The following TSHR variants were observed in gnomAD, a reference collection of about 807,000 sequenced individuals.
TSHR encodes the protein thyroid stimulating hormone receptor.
Under a neutral mutation model 64.1 loss-of-function variants are expected in TSHR, and 51 were observed. The ratio of observed to expected loss-of-function variants is 0.80; its 90% CI spans 0.64 to 1.01. The LOEUF (loss-of-function observed/expected upper bound fraction) is 1.01, where lower values mean the gene tolerates loss of function less well. TSHR is among the 50% of genes least tolerant of loss of function. TSHR has a pLI of 0.00. For synonymous variants in TSHR, 361 were observed against 361.9 expected (o/e 1.00, Z 0.03); for missense variants, 877 against 942.8 (o/e 0.93, Z 0.91).
At chr14:81,049,911 A>C (rs1885347411) in intron 1 of TSHR, 3 of 152,182 alleles carry the variant, frequency 2.0e-5, no homozygotes, top group Admixed American at 2.0e-4. Flanking sequence ...GTGTTTCCTG[A>C]GGCCTCCCAA....
chr14:81,122,847 G>A (rs1595150790), intron 8 of TSHR, among the ~76,000 whole-genome samples: 1 of 152,154 alleles, frequency 6.6e-6, no homozygotes, highest in African/African-American at 2.4e-5. Flanking sequence ...AAATTAGGCT[G>A]GGCGTGGTGG....
At chr14:81,002,325 A>G (rs2139761026) in intron 1 of TSHR, among the ~76,000 whole-genome samples, 1 of 152,200 alleles carries the variant, frequency 6.6e-6, no homozygotes, top group South Asian at 2.1e-4. Context: ...GACTCTGGTA[A>G]CCCAAGCTGA....
intron 1 of TSHR, among the ~76,000 whole-genome samples, chr14:81,022,524 A>C (rs1261812572): frequency 9.9e-5 from 15 of 151,950 alleles, no homozygotes; most frequent in Admixed American, 9.8e-4. Flanking sequence ...GGTGGTATTA[A>C]GATGTGGGGT....
chr14:80,970,079 C>A (rs1039125470), intron 1 of TSHR, among the ~76,000 whole-genome samples: 2 of 152,188 alleles, frequency 1.3e-5, no homozygotes, highest in African/African-American at 2.4e-5. Context: ...TGTAATGCAG[C>A]AGTAGTTCAT....
At position 81,108,998 on chromosome 14, in the gene TSHR, A is replaced by G. The variant is rs373485535; in HGVS notation, c.692+546A>G. On this transcript the variant is annotated intron_variant, in intron 8 of 9. Coordinates refer to ENST00000298171, the MANE Select transcript of TSHR (RefSeq NM_000369.5). ...TTTACACCCCCACATCCAATCAGTGATCAGGTTCTATTGATTCTGCTTCCC... is the reference window on the plus strand; with the variant it reads ...TTTACACCCCCACATCCAATCAGTGGTCAGGTTCTATTGATTCTGCTTCCC... 6 of 1,260,848 alleles carry G rather than the reference A, an allele frequency of 4.8e-6. No individual in the cohort carries two copies. In the South Asian group the frequency reaches 6.7e-5, roughly 14 times the overall value. 78.1% of individuals were successfully genotyped at this position (1,260,848 alleles called of 1,614,324 possible). A position where few individuals can be genotyped will look rare whatever the true frequency, so the allele number is the denominator to read the frequency against.
intron 1 of TSHR, among the ~76,000 whole-genome samples, chr14:81,028,164 T>C (rs900418459): frequency 6.6e-6 from 1 of 152,176 alleles, no homozygotes; most frequent in African/African-American, 2.4e-5. Context: ...ATCATAAGCC[T>C]TTCATATTAT....
chr14:80,982,314 C>A, intron 1 of TSHR: 1 of 1,084,744 alleles, frequency 9.2e-7, no homozygotes, highest in Non-Finnish European at 1.3e-6. Flanking sequence ...GTATTGATGC[C>A]TGGGTCTGGG....
chr14:81,061,463 G>A lies in TSHR; in HGVS notation c.171-685G>A, dbSNP rs115995503. 4.2e-3 allele frequency among the ~76,000 whole-genome samples: 639 copies of A among 152,130 alleles called. 2 individuals are homozygous for A. The highest frequency in any genetic ancestry group is 0.012 in the African/African-American group (498 of 41,516). ...ATATACCATGGAATATTATGCAGTC[G>A]TAAAAAAGAACAAGATTATGTCCTT... is the stretch of plus-strand genomic sequence containing the variant. On this transcript the variant is annotated intron_variant, in intron 1 of 9. Coordinates refer to ENST00000298171, the MANE Select transcript of TSHR (RefSeq NM_000369.5).
intron 7 of TSHR, among the ~76,000 whole-genome samples, 185 bp downstream of exon 7, chr14:81,096,892 T>C (rs958655928): frequency 7.3e-5 from 11 of 150,854 alleles, no homozygotes; most frequent in Non-Finnish European, 8.8e-5. Context: ...TTACGTTAGC[T>C]CCAATGGTAA....
rs1374886905 is a variant in TSHR, at chr14:81,143,097, C to T, written c.1039C>T (p.His347Tyr). ...YKEKSKFQDTHNNAHYYVFFE... is the reference protein window; with the variant it reads ...YKEKSKFQDTYNNAHYYVFFE... Reference sequence around the variant, plus strand: ...GGAAAAGTCCAAGTTCCAGGATACTCATAACAACGCTCATTATTACGTCTT... The same window carrying T: ...GGAAAAGTCCAAGTTCCAGGATACTTATAACAACGCTCATTATTACGTCTT... The change falls in exon 10 of 10, where the codon CAT becomes TAT. Residue 347 changes from histidine to tyrosine, a missense_variant. Transcript: ENST00000298171. 4 of 1,614,048 alleles carry T rather than the reference C, an allele frequency of 2.5e-6. No individual in the cohort carries two copies. The highest frequency in any genetic ancestry group is 1.1e-5 in the South Asian group (1 of 91,084).
chr14:81,026,802 G>A (rs1048816989), intron 1 of TSHR, among the ~76,000 whole-genome samples: 1 of 152,160 alleles, frequency 6.6e-6, no homozygotes, highest in African/African-American at 2.4e-5. Context: ...TTGGAAGGTA[G>A]AGGCAGGCAG....
chr14:81,002,794 T>C (rs1205816680), intron 1 of TSHR, among the ~76,000 whole-genome samples: 3 of 55,924 alleles, frequency 5.4e-5, no homozygotes, highest in South Asian at 1.1e-3. Flanking sequence ...TTTTTTTTTT[T>C]TTTTTTTTTT....
chr14:80,985,283 T>G (rs962188015), intron 1 of TSHR, among the ~76,000 whole-genome samples: 2 of 152,162 alleles, frequency 1.3e-5, no homozygotes, highest in Non-Finnish European at 2.9e-5. Flanking sequence ...GGTAATTGCT[T>G]TTTTCCTCCT....
chr14:81,086,736 C>T (rs1888311889), intron 3 of TSHR, among the ~76,000 whole-genome samples: 1 of 152,124 alleles, frequency 6.6e-6, no homozygotes, highest in Admixed American at 6.5e-5. Context: ...CTGGGCTATT[C>T]AGAAATAAAA....
At chr14:81,037,226 G>C (rs1285944194) in intron 1 of TSHR, among the ~76,000 whole-genome samples, 3 of 151,768 alleles carry the variant, frequency 2.0e-5, no homozygotes, top group Middle Eastern at 3.4e-3. Context: ...CCAAAGTTAA[G>C]TTATTATCAA....
intron 1 of TSHR, among the ~76,000 whole-genome samples, chr14:81,017,748 C>A (rs1883493708): frequency 6.6e-6 from 1 of 151,936 alleles, no homozygotes; most frequent in Non-Finnish European, 1.5e-5. Flanking sequence ...CAAAAATAGC[C>A]ATGACTCAGG....
rs1487154498 is a variant in TSHR at position 81,067,923 on chromosome 14, G to A, written c.243-331G>A. On this transcript the variant is annotated intron_variant, in intron 2 of 9. Transcript: ENST00000298171. ...TCTGTAGTGGAACATTCCACAGGGT[G>A]ACACTATATATATATATATATATAT... Among the ~76,000 whole-genome samples, 4 of 62,750 alleles carry A rather than the reference G, an allele frequency of 6.4e-5. No individual in the cohort carries two copies. In the Admixed American group the frequency reaches 7.6e-4, roughly 12 times the overall value. 41.2% of individuals were successfully genotyped at this position (62,750 alleles called of 152,430 possible). A position where few individuals can be genotyped will look rare whatever the true frequency, so the allele number is the denominator to read the frequency against.
intron 1 of TSHR, among the ~76,000 whole-genome samples, chr14:81,022,885 A>C (rs1202737020): frequency 6.6e-6 from 1 of 152,146 alleles, no homozygotes; most frequent in African/African-American, 2.4e-5. Flanking sequence ...TGGAGCGCTC[A>C]TTAATGAGCT....
intron 6 of TSHR, among the ~76,000 whole-genome samples, chr14:81,094,679 A>ATTTTTTTTTTTTTTTTTTTTTTTTTTTAT (rs1162262371): frequency 1.3e-5 from 1 of 76,242 alleles, no homozygotes; most frequent in African/African-American, 6.6e-5. Flanking sequence ...TATTTTTTTA[A>ATTTTTTTTTTTTTTTTTTTTTTTTTTTAT]TTTTTTTTTT....
Sources: gnomAD v4.1 joint callset for allele counts (sites outside exome capture counted in the v4.1 genomes callset) on GRCh38, gnomAD v4.1.1 for gene constraint, MANE v1.5 for transcripts, NCBI Gene and HGNC (gene_info 2026-07-23, HGNC 2026-07-21) for gene names.